Variants in RBFOX1 observed in about 807,000 individuals in gnomAD.
The protein encoded by RBFOX1 is RNA binding fox-1 homolog 1.
Under a neutral mutation model 57.7 loss-of-function variants are expected in RBFOX1, and 8 were observed. The ratio of observed to expected loss-of-function variants is 0.14; its 90% CI spans 0.08 to 0.25. The LOEUF (loss-of-function observed/expected upper bound fraction) is 0.25, where lower values mean the gene tolerates loss of function less well. Ranked by LOEUF, RBFOX1 falls within the 10% of genes least tolerant of loss-of-function variation. RBFOX1 has a pLI of 1.00. For missense variants in RBFOX1, 611 were observed against 548.5 expected (o/e 1.11, Z -1.14); for synonymous variants, 326 against 222.4 (o/e 1.47, Z -4.15).
At chr16:5,408,292 T>G (rs13337216) in intron 1 of RBFOX1, among the ~76,000 whole-genome samples, 23,419 of 152,202 alleles carry the variant, frequency 0.15, 1,907 homozygotes, top group Middle Eastern at 0.22. Flanking sequence ...ATGTTTTAAG[T>G]GCTTGAACTC....
chr16:6,077,471 A>G lies in RBFOX1; in HGVS notation c.-127+57479A>G, dbSNP rs141870141. ...CTGCGAACCAGGAAGGGAGAATGAG[A>G]AAGAAAATCACCCATGACCACCACC... is the stretch of plus-strand genomic sequence containing the variant. On this transcript the variant is annotated intron_variant, in intron 1 of 15. Transcript: ENST00000550418. 1.3e-5 allele frequency among the ~76,000 whole-genome samples: 2 copies of G among 152,132 alleles called. 1 individual carries two copies. The highest frequency in any genetic ancestry group is 4.1e-4 in the South Asian group (2 of 4,828).
At chr16:7,349,608 G>T (rs1332666234) in intron 4 of RBFOX1, among the ~76,000 whole-genome samples, 2 of 151,956 alleles carry the variant, frequency 1.3e-5, no homozygotes, top group African/African-American at 4.8e-5. Flanking sequence ...GAATCAAAAT[G>T]AGGATGGCGA....
At chr16:6,081,303 C>G (rs2095997798) in intron 1 of RBFOX1, among the ~76,000 whole-genome samples, 1 of 152,298 alleles carries the variant, frequency 6.6e-6, no homozygotes, top group South Asian at 2.1e-4. Flanking sequence ...AAGGTTCCCC[C>G]AAGACTGGCT....
chr16:6,124,318 C>T (rs191366611), intron 1 of RBFOX1, among the ~76,000 whole-genome samples: 19 of 152,234 alleles, frequency 1.2e-4, no homozygotes, highest in Admixed American at 2.6e-4. Context: ...CAGTTATAGC[C>T]CCAGCGTGAA....
At chr16:7,388,644 CTTTTTT>C (rs61629644) in intron 4 of RBFOX1, among the ~76,000 whole-genome samples, 1,249 of 92,600 alleles carry the variant, frequency 0.013, 14 homozygotes, top group African/African-American at 0.049. Flanking sequence ...GTTTCACTTA[CTTTTTT>C]TTTTTTTTTT....
chr16:6,346,835 A>G (rs2085456337), intron 2 of RBFOX1, among the ~76,000 whole-genome samples: 1 of 152,090 alleles, frequency 6.6e-6, no homozygotes, highest in South Asian at 2.1e-4. Flanking sequence ...ATATATTACC[A>G]GAATAACCTC....
chr16:7,525,248 T>G (rs1172335358), intron 5 of RBFOX1, among the ~76,000 whole-genome samples: 2 of 152,198 alleles, frequency 1.3e-5, no homozygotes, highest in Non-Finnish European at 2.9e-5. Context: ...GCTTTATATC[T>G]CAGAGATTAT....
rs996557176 is a variant in RBFOX1 at position 6,229,340 on chromosome 16, G to A, written c.-126-87655G>A. Reference sequence around the variant, plus strand: ...TTCTAAACCAGTTCCTCTGCACGCAGTGCAGAAACTAGATCTCTCCTGCCA... The same window carrying A: ...TTCTAAACCAGTTCCTCTGCACGCAATGCAGAAACTAGATCTCTCCTGCCA... On this transcript the variant is annotated intron_variant, in intron 1 of 15. Transcript: ENST00000550418. Among the ~76,000 whole-genome samples, 5 of 152,210 alleles carry A rather than the reference G, an allele frequency of 3.3e-5. No homozygotes were observed. The South Asian group carries it at 8.3e-4, about 25-fold the overall frequency.
chr16:7,151,166 A>C (rs2076032993), intron 4 of RBFOX1, among the ~76,000 whole-genome samples: 1 of 152,196 alleles, frequency 6.6e-6, no homozygotes, highest in Non-Finnish European at 1.5e-5. Context: ...ATGGTTGCTG[A>C]ACTAGAGGCT....
intron 3 of RBFOX1, among the ~76,000 whole-genome samples, chr16:5,786,997 G>A (rs565771118): frequency 2.6e-5 from 4 of 152,236 alleles, no homozygotes; most frequent in South Asian, 2.1e-4. Context: ...TTAACTGGGC[G>A]CGGTGGCAGA....
At chr16:5,587,191 G>T (rs1045634110) in intron 2 of RBFOX1, among the ~76,000 whole-genome samples, 1 of 152,190 alleles carries the variant, frequency 6.6e-6, no homozygotes, top group African/African-American at 2.4e-5. Flanking sequence ...TATGCAAATT[G>T]CATATCTGTA....
At chr16:7,408,218 A>T (rs1472136904) in intron 4 of RBFOX1, among the ~76,000 whole-genome samples, 1 of 152,206 alleles carries the variant, frequency 6.6e-6, no homozygotes, top group Non-Finnish European at 1.5e-5. Flanking sequence ...TCTCAAGTTA[A>T]GGGAGACTGA....
chr16:5,467,244 T>C (rs949351505), exon 2 of RBFOX1: 1 of 1,501,290 alleles, frequency 6.7e-7, no homozygotes, highest in Non-Finnish European at 9.0e-7. Context: ...TACAGCCTGG[T>C]TGAGGGTCAG....
At chr16:6,484,168 G>A (rs933046272) in intron 2 of RBFOX1, among the ~76,000 whole-genome samples, 1 of 152,188 alleles carries the variant, frequency 6.6e-6, no homozygotes, top group Non-Finnish European at 1.5e-5. Flanking sequence ...CGATGTAAAA[G>A]TCCCAATAGG....
At chr16:7,698,183 GGTGTGTGTGT>G (rs59239865) in intron 14 of RBFOX1, among the ~76,000 whole-genome samples, 26,648 of 136,124 alleles carry the variant, frequency 0.2, 2,910 homozygotes, top group South Asian at 0.34. Context: ...AGTCCAAGAG[GGTGTGTGTGT>G]GTGTGTGTGT....
chr16:6,091,891 CT>C (rs1292876194), intron 1 of RBFOX1, among the ~76,000 whole-genome samples: 2 of 152,122 alleles, frequency 1.3e-5, no homozygotes, highest in African/African-American at 4.8e-5. Flanking sequence ...GTTTTAATGG[CT>C]TTTACTTTTG....
intron 14 of RBFOX1, among the ~76,000 whole-genome samples, chr16:7,688,221 A>ATG (rs3029191): frequency 0.023 from 2,766 of 120,892 alleles, 32 homozygotes; most frequent in African/African-American, 0.029. Flanking sequence ...GCAGGTTTAA[A>ATG]TGTGTGTGTG....
intron 11 of RBFOX1, among the ~76,000 whole-genome samples, chr16:7,641,026 A>G (rs2062701713): frequency 6.6e-6 from 1 of 152,142 alleles, no homozygotes; most frequent in East Asian, 1.9e-4. Context: ...GCAATGGAGC[A>G]GGTGCACATT....
At chr16:5,800,408 A>G (rs2055018797) in intron 3 of RBFOX1, among the ~76,000 whole-genome samples, 2 of 152,154 alleles carry the variant, frequency 1.3e-5, no homozygotes, top group Non-Finnish European at 1.5e-5. Context: ...CTTGATGGAC[A>G]TGGGTGAAGG....
Sources: gnomAD v4.1 joint callset for allele counts (sites outside exome capture counted in the v4.1 genomes callset) on GRCh38, gnomAD v4.1.1 for gene constraint, MANE v1.5 for transcripts, NCBI Gene and HGNC (gene_info 2026-07-23, HGNC 2026-07-21) for gene names.